PCTP: variants seen among roughly 807,000 people sequenced by gnomAD.
PCTP encodes START domain-containing protein 2.
Under a neutral mutation model 31.0 loss-of-function variants are expected in PCTP, and 27 were observed. That is an observed-to-expected ratio of 0.87 (90% CI 0.64 to 1.20). PCTP has a LOEUF of 1.20. Ranked by LOEUF, PCTP falls within the 50% of genes most tolerant of loss-of-function variation. PCTP has a pLI of 0.00. For missense variants in PCTP, 287 were observed against 268.2 expected (o/e 1.07, Z -0.49); for synonymous variants, 108 against 101.2 (o/e 1.07, Z -0.40).
At chr17:55,752,444 AC>A (rs1909765850) in intron 1 of PCTP, among the ~76,000 whole-genome samples, 1 of 152,058 alleles carries the variant, frequency 6.6e-6, no homozygotes, top group South Asian at 2.1e-4. Context: ...GTGACCCCAT[AC>A]CTCTCCCGGG....
intron 3 of PCTP, among the ~76,000 whole-genome samples, chr17:55,818,092 C>T (rs1009442456): frequency 6.6e-5 from 10 of 152,144 alleles, no homozygotes; most frequent in Admixed American, 1.3e-4. Context: ...TCATGAGAAA[C>T]GAATCCAAGG....
intron 1 of PCTP, chr17:55,751,521 A>ATTTTTT: frequency 6.7e-7 from 1 of 1,490,004 alleles, no homozygotes; most frequent in Non-Finnish European, 8.9e-7. Context: ...ATGACAGTTG[A>ATTTTTT]AACGTGGGTC....
At chr17:55,781,612 TAAAC>T (rs369326891), downstream of PCTP, among the ~76,000 whole-genome samples, 195 of 152,160 alleles carry the variant, frequency 1.3e-3, no homozygotes, top group African/African-American at 4.4e-3. Flanking sequence ...TAAAAACAAA[TAAAC>T]AAAATAAACT....
intron 5 of PCTP, among the ~76,000 whole-genome samples, chr17:55,837,479 C>G (rs770474924): frequency 6.6e-6 from 1 of 152,128 alleles, no homozygotes; most frequent in Non-Finnish European, 1.5e-5. Flanking sequence ...CCTTAAAACT[C>G]GACATGTCTA....
chr17:55,767,821 A>T (rs8082448), intron 2 of PCTP, among the ~76,000 whole-genome samples: 5 of 143,992 alleles, frequency 3.5e-5, no homozygotes, highest in African/African-American at 5.3e-5. Context: ...GACCAGATGC[A>T]GTGACTCACG....
At chr17:55,752,564 A>G (rs1382913356) in intron 1 of PCTP, among the ~76,000 whole-genome samples, 1 of 152,238 alleles carries the variant, frequency 6.6e-6, no homozygotes, top group East Asian at 1.9e-4. Flanking sequence ...AAATACATAT[A>G]TATTTGCTTT....
intron 3 of PCTP, among the ~76,000 whole-genome samples, chr17:55,818,321 C>A (rs374474415): frequency 5.3e-5 from 8 of 152,196 alleles, no homozygotes; most frequent in African/African-American, 1.9e-4. Flanking sequence ...TTAAACAAGA[C>A]CACTTTCCTA....
chr17:55,838,812 C>T (rs1275822681), intron 5 of PCTP, among the ~76,000 whole-genome samples: 3 of 152,094 alleles, frequency 2.0e-5, no homozygotes, highest in African/African-American at 4.8e-5. Context: ...GTGTACTTAT[C>T]GGAGATTACA....
At position 55,786,317 on chromosome 17, in the gene PCTP, T is replaced by A. The variant is rs531320534; in HGVS notation, c.229-1249T>A. Among the ~76,000 whole-genome samples the A allele has an allele frequency of 5.3e-5, 8 of 152,294 alleles. No individual in the cohort carries two copies. The South Asian group carries it at 1.7e-3, about 32-fold the overall frequency. On this transcript the variant is annotated intron_variant, in intron 2 of 3. Transcript: ENST00000572536. ...AATAGAATAAAATAGCCATGTGTGA[T>A]AGAGTCAAGAGTAGAGCTTGTGTAT...
At chr17:55,835,646 C>G (rs1905753762) in intron 5 of PCTP, among the ~76,000 whole-genome samples, 1 of 152,120 alleles carries the variant, frequency 6.6e-6, no homozygotes. Flanking sequence ...GTGATAAAAA[C>G]TCAGACATTG....
chr17:55,773,540 T>C (rs1911125278), intron 3 of PCTP, 184 bp from the exon 4 acceptor site: 2 of 560,956 alleles, frequency 3.6e-6, no homozygotes, highest in African/African-American at 3.7e-5. Context: ...GAATACTAGG[T>C]GGTGTGAGGC....
chr17:55,751,166 G>C lies in PCTP; in HGVS notation c.63G>C (p.Gln21His). The C allele has an allele frequency of 6.5e-7, 1 of 1,548,522 alleles. No homozygotes were observed. Among genetic ancestry groups the C allele is most frequent in the Non-Finnish European group, 8.7e-7 (1 of 1,146,172 alleles). Residue 21 changes from glutamine (Q) to histidine (H), a missense_variant, in exon 1 of 6, where the codon CAG becomes CAC. Gln to His is a conservative substitution (Grantham distance 24, BLOSUM62 0). Coordinates refer to ENST00000268896, the MANE Select transcript of PCTP (RefSeq NM_021213.4). Reference sequence around the variant, plus strand: ...TCTGGGAGGCCTGCGCCGAGCTCCAGCAGCCCGCTCTGGCCGGGGCCGACT... The same window carrying C: ...TCTGGGAGGCCTGCGCCGAGCTCCACCAGCCCGCTCTGGCCGGGGCCGACT... ...EQFWEACAEL[Q>H]QPALAGADWQ...
chr17:55,753,564 C>T (rs1170264321), intron 1 of PCTP, among the ~76,000 whole-genome samples: 1 of 152,118 alleles, frequency 6.6e-6, no homozygotes, highest in Non-Finnish European at 1.5e-5. Flanking sequence ...GGATCCAAAC[C>T]CAGCTGTCTG....
At chr17:55,765,285 T>C (rs1238767331) in intron 1 of PCTP, among the ~76,000 whole-genome samples, 1 of 152,192 alleles carries the variant, frequency 6.6e-6, no homozygotes, top group Admixed American at 6.5e-5. Context: ...TGTGACACCC[T>C]TACTTGGATG....
chr17:55,775,850 C>G, intron 5 of PCTP, 185 bp from the exon 6 acceptor site: 2 of 1,338,704 alleles, frequency 1.5e-6, no homozygotes, highest in East Asian at 2.9e-5. Context: ...GTTGACTGGT[C>G]TTACTTTTGT....
chr17:55,817,823 A>G (rs1254704083), intron 3 of PCTP, among the ~76,000 whole-genome samples: 1 of 152,232 alleles, frequency 6.6e-6, no homozygotes, highest in Non-Finnish European at 1.5e-5. Context: ...GTATCTGTCT[A>G]CAAGAGCTCA....
At chr17:55,805,904 G>GTGTGTGTGTGTGTGTGTGTGTC (rs1452323435) in intron 3 of PCTP, among the ~76,000 whole-genome samples, 1 of 151,848 alleles carries the variant, frequency 6.6e-6, no homozygotes, top group African/African-American at 2.4e-5. Context: ...GTGTGTGTGT[G>GTGTGTGTGTGTGTGTGTGTGTC]TGTGTGTGTG....
At chr17:55,827,599 A>G (rs1905443922), downstream of PCTP, among the ~76,000 whole-genome samples, 1 of 152,242 alleles carries the variant, frequency 6.6e-6, no homozygotes, top group African/African-American at 2.4e-5. Flanking sequence ...CTAAGAGGCT[A>G]GCAGAACTTG....
intron 3 of PCTP, among the ~76,000 whole-genome samples, chr17:55,819,506 G>A (rs1299766075): frequency 2.6e-5 from 4 of 152,154 alleles, no homozygotes; most frequent in Admixed American, 6.6e-5. Flanking sequence ...AATTTGGGAG[G>A]CTGAGGTAGG....
Sources: gnomAD v4.1 joint callset for allele counts (sites outside exome capture counted in the v4.1 genomes callset) on GRCh38, gnomAD v4.1.1 for gene constraint, MANE v1.5 for transcripts, NCBI Gene and HGNC (gene_info 2026-07-23, HGNC 2026-07-21) for gene names.